The following FAM184B variants were observed in gnomAD, a reference collection of about 807,000 sequenced individuals.
The protein encoded by FAM184B is family with sequence similarity 184 member B, also known as protein FAM184B.
A neutral mutation model predicts 135.9 loss-of-function variants in FAM184B; 111 were observed. The ratio of observed to expected loss-of-function variants is 0.82; its 90% confidence interval spans 0.70 to 0.96. The LOEUF is 0.96. FAM184B is among the 40% of genes least tolerant of loss of function. FAM184B has a pLI of 0.00. For synonymous variants in FAM184B, 552 were observed against 524.8 expected (o/e 1.05, Z -0.71); for missense variants, 1,375 against 1,323.9 (o/e 1.04, Z -0.60).
chr4:17,663,543 AAAATCACT>A (rs1715966849), intron 8 of FAM184B, among the ~76,000 whole-genome samples: 1 of 152,122 alleles, frequency 6.6e-6, no homozygotes, highest in Non-Finnish European at 1.5e-5. Context: ...TTGATGTGCA[AAAATCACT>A]AACATTCCTA....
chr4:17,664,787 C>G, intron 7 of FAM184B, 128 bp from the exon 8 acceptor site: 1 of 710,306 alleles, frequency 1.4e-6, no homozygotes, highest in East Asian at 2.7e-5. Context: ...AACCCACTAT[C>G]GGTGCCCTGC....
Position 17,647,762 on chromosome 4 carries a change from G to A in FAM184B, c.2221C>T (p.Gln741Ter). Residue 741 changes from glutamine to a stop codon, truncating the protein, a stop_gained, in exon 12 of 18, where the codon CAA becomes TAA. Transcript: ENST00000265018. LOFTEE classifies it high-confidence loss of function. ...ESLRQELSEQQAACSGHQKDL... is the reference protein window; with the variant it reads ...ESLRQELSEQ ...TTCTGGTGCCCAGAACAGGCAGCTT[G>A]CTGCTCCGACAGCTCCTGTCTGAGC... 1.9e-6 allele frequency: 3 copies of A among 1,550,762 alleles called. No individual in the cohort carries two copies. Among genetic ancestry groups the A allele is most frequent in the Non-Finnish European group, 2.6e-6 (3 of 1,146,966 alleles).
chr4:17,764,039 A>T (rs1229623360), intron 1 of FAM184B, among the ~76,000 whole-genome samples: 1 of 152,054 alleles, frequency 6.6e-6, no homozygotes, highest in Non-Finnish European at 1.5e-5. Flanking sequence ...CTCTGTCATC[A>T]CCCACAAATA....
At chr4:17,641,134 A>T (rs1381796828) in intron 13 of FAM184B, among the ~76,000 whole-genome samples, 1 of 152,012 alleles carries the variant, frequency 6.6e-6, no homozygotes, top group Admixed American at 6.5e-5. Flanking sequence ...GGGTTTCACT[A>T]TGTTGCCCAG....
At chr4:17,732,890 G>C (rs895412030) in intron 1 of FAM184B, among the ~76,000 whole-genome samples, 2 of 152,076 alleles carry the variant, frequency 1.3e-5, no homozygotes, top group Non-Finnish European at 2.9e-5. Flanking sequence ...CCAAAAAAGA[G>C]AATTTTAGAC....
Position 17,709,197 on chromosome 4 carries a change from G to A in FAM184B, c.589C>T (p.Leu197=). Residue 197 remains leucine (L), a synonymous_variant, in exon 2 of 18, where the codon CTG becomes TTG. Transcript: ENST00000265018. ...ACTCGCAGCCGCTGCACCTCTAGCA[G>A]GACCTCCTGCATCTCCGGGCCCTGG... The part of the protein sequence containing the change: ...PGQGPEMQEV[L]LEVQRLRVEN... 2 of 1,548,330 alleles carry A rather than the reference G, an allele frequency of 1.3e-6. No individual in the cohort carries two copies. Among genetic ancestry groups the A allele is most frequent in the Non-Finnish European group, 1.7e-6 (2 of 1,146,584 alleles).
At chr4:17,688,303 G>T in intron 7 of FAM184B, 121 bp downstream of exon 7, 1 of 667,642 alleles carries the variant, frequency 1.5e-6, no homozygotes, top group South Asian at 2.0e-5. Context: ...GGGCATTTTG[G>T]CAGTGTCGAG....
intron 1 of FAM184B, among the ~76,000 whole-genome samples, chr4:17,777,371 T>C (rs1329981633): frequency 6.6e-6 from 1 of 152,124 alleles, no homozygotes; most frequent in Non-Finnish European, 1.5e-5. Context: ...TTTGGGGTGA[T>C]GAAAATGTCC....
intron 13 of FAM184B, among the ~76,000 whole-genome samples, chr4:17,639,906 G>A (rs1277443513): frequency 6.6e-6 from 1 of 151,068 alleles, no homozygotes; most frequent in Non-Finnish European, 1.5e-5. Context: ...TCGGCTCACT[G>A]CAACCTTCAC....
intron 1 of FAM184B, among the ~76,000 whole-genome samples, chr4:17,753,963 A>T (rs2108989524): frequency 6.6e-6 from 1 of 152,358 alleles, no homozygotes; most frequent in East Asian, 1.9e-4. Flanking sequence ...CAGTTTACAT[A>T]ACATCAAGGT....
rs144363318 is a variant in FAM184B, at chr4:17,636,707, A to AC, written c.2667-63dup. 10,604 of 1,296,634 alleles carry AC rather than the reference A, an allele frequency of 8.2e-3. 248 individuals carry two copies. The highest frequency in any genetic ancestry group is 0.049 in the East Asian group (1,900 of 38,586). The allele number at this position is 1,296,634 out of a possible 1,614,324, so 80.3% of individuals were successfully genotyped here. A position where few individuals can be genotyped will look rare whatever the true frequency, so the allele number is the denominator to read the frequency against. On this transcript the variant is annotated intron_variant, in intron 14 of 17. Transcript: ENST00000265018. The stretch of plus-strand genomic sequence containing the variant: ...AGCAATTACTCAACAAAGAGGGAGA[A>AC]CAAGTGCACACGATGGGAATGCCAT...
In FAM184B at chr4:17,684,135, A is replaced by C. The variant is rs796207395; in HGVS notation, c.1596+4289T>G. Among the ~76,000 whole-genome samples the C allele has an allele frequency of 5.6e-3, 416 of 73,804 alleles. 2 individuals are homozygous for C. The highest frequency in any genetic ancestry group is 0.012 in the Non-Finnish European group (355 of 29,714). The allele number at this position is 73,804 out of a possible 152,430, so 48.4% of individuals were successfully genotyped here. A position where few individuals can be genotyped will look rare whatever the true frequency, so the allele number is the denominator to read the frequency against. On this transcript the variant is annotated intron_variant, in intron 7 of 17. Transcript: ENST00000265018. ...TAAAATAATTATATATAAAATAATT[A>C]TATATAAAATAATTATATAATAAAA...
rs988142272 is a variant in FAM184B at position 17,778,110 on chromosome 4, A to G, written c.141+3049T>C. On this transcript the variant is annotated intron_variant, in intron 1 of 17. Coordinates refer to ENST00000265018, the MANE Select transcript of FAM184B (RefSeq NM_015688.2). ...AAAGTACCTCCTCCTTTTGCAGAGG[A>G]TAAAGATAAACTAACACCAAGACAG... is the stretch of plus-strand genomic sequence containing the variant. 7.9e-5 allele frequency among the ~76,000 whole-genome samples: 12 copies of G among 152,262 alleles called. 1 individual carries two copies. The highest frequency in any genetic ancestry group is 3.3e-4 in the Admixed American group (5 of 15,286).
At chr4:17,755,672 TG>T (rs1718402135) in intron 1 of FAM184B, among the ~76,000 whole-genome samples, 1 of 152,126 alleles carries the variant, frequency 6.6e-6, no homozygotes, top group Non-Finnish European at 1.5e-5. Flanking sequence ...TGCCCATCAA[TG>T]ATAGATTGGA....
intron 7 of FAM184B, among the ~76,000 whole-genome samples, chr4:17,686,158 G>A (rs1560176152): frequency 6.6e-6 from 1 of 152,216 alleles, no homozygotes; most frequent in African/African-American, 2.4e-5. Context: ...GCTGGTGAAA[G>A]GTGCAGCTGT....
At position 17,692,051 on chromosome 4, in the gene FAM184B, C is replaced by CA. The variant is rs35468215; in HGVS notation, c.1488+1250dup. Among the ~76,000 whole-genome samples the CA allele has an allele frequency of 1.2e-3, 164 of 135,120 alleles. 1 individual carries two copies. Among genetic ancestry groups the CA allele is most frequent in the East Asian group, 4.1e-3 (20 of 4,854 alleles). The allele number at this position is 135,120 out of a possible 152,430, so 88.6% of individuals were successfully genotyped here. A position where few individuals can be genotyped will look rare whatever the true frequency, so the allele number is the denominator to read the frequency against. ...CGGGCAACAGAGCGAGACTCCGTCT[C>CA]AAAAAAAAAAAAAAAAGAATAACTG... On this transcript the variant is annotated intron_variant, in intron 6 of 17. Coordinates refer to ENST00000265018, the MANE Select transcript of FAM184B (RefSeq NM_015688.2).
At chr4:17,694,047 A>T (rs1321332210) in intron 5 of FAM184B, among the ~76,000 whole-genome samples, 1 of 152,178 alleles carries the variant, frequency 6.6e-6, no homozygotes. Context: ...CTCAGTGCAA[A>T]GCAGATCCAG....
chr4:17,767,121 C>T lies in FAM184B; in HGVS notation c.141+14038G>A, dbSNP rs184564103. Among the ~76,000 whole-genome samples the T allele has an allele frequency of 5.8e-3, 876 of 152,280 alleles. 8 individuals are homozygous for T. The highest frequency in any genetic ancestry group is 0.02 in the African/African-American group (834 of 41,572). ...TCCGAGTGCGGGGCCGCCGAGCCAA[C>T]GCCCACCCGGAACTCGCGCTGGCCC... is the stretch of plus-strand genomic sequence containing the variant. On this transcript the variant is annotated intron_variant, in intron 1 of 17. Coordinates refer to ENST00000265018, the MANE Select transcript of FAM184B (RefSeq NM_015688.2).
chr4:17,669,907 T>C (rs1305881549), intron 7 of FAM184B, among the ~76,000 whole-genome samples: 1 of 152,176 alleles, frequency 6.6e-6, no homozygotes, highest in Non-Finnish European at 1.5e-5. Flanking sequence ...AGTGAATATA[T>C]CCCAGAGCCA....
Sources: allele counts gnomAD v4.1 joint callset (sites outside exome capture counted in the v4.1 genomes callset), GRCh38; gene constraint gnomAD v4.1.1; transcripts MANE v1.5; gene names NCBI Gene and HGNC (gene_info 2026-07-23, HGNC 2026-07-21).